Variants in CAMTA1 observed in about 807,000 individuals in gnomAD.
The protein encoded by CAMTA1 is calmodulin binding transcription activator 1, also known as calmodulin-binding transcription activator 1.
CAMTA1 carries 27 observed loss-of-function variants against 170.9 expected under a neutral mutation model. The ratio of observed to expected loss-of-function variants is 0.16; its 90% CI spans 0.12 to 0.22. The LOEUF is 0.22. CAMTA1 is among the 10% of genes least tolerant of loss of function. CAMTA1 has a pLI of 1.00. For missense variants in CAMTA1, 1,619 were observed against 2,217.2 expected, an observed-to-expected ratio of 0.73 and a Z score of 5.42; for synonymous variants, 833 against 891.5, an observed-to-expected ratio of 0.93 and a Z score of 1.17.
intron 6 of CAMTA1, among the ~76,000 whole-genome samples, chr1:7,604,569 C>A (rs2095471427): frequency 6.6e-6 from 1 of 152,144 alleles, no homozygotes; most frequent in Admixed American, 6.5e-5. Flanking sequence ...GTTATTCTAG[C>A]TAGCCATTCA....
intron 5 of CAMTA1, among the ~76,000 whole-genome samples, chr1:7,391,130 C>G (rs12089242): frequency 6.6e-6 from 1 of 151,932 alleles, no homozygotes; most frequent in Non-Finnish European, 1.5e-5. Flanking sequence ...CCCGAGTAGC[C>G]GGGATTACAG....
chr1:7,350,103 G>A (rs1302916328), intron 5 of CAMTA1, among the ~76,000 whole-genome samples: 1 of 152,176 alleles, frequency 6.6e-6, no homozygotes, highest in Non-Finnish European at 1.5e-5. Flanking sequence ...GCAAGACCCT[G>A]CCCCAGCCTC....
intron 1 of CAMTA1, among the ~76,000 whole-genome samples, chr1:6,802,213 G>GTA (rs1349618661): frequency 1.3e-5 from 2 of 152,186 alleles, no homozygotes; most frequent in Non-Finnish European, 2.9e-5. Flanking sequence ...CCATTCACAT[G>GTA]TAGCTTCCTT....
At chr1:7,018,384 A>G (rs995954882) in intron 3 of CAMTA1, among the ~76,000 whole-genome samples, 1 of 152,086 alleles carries the variant, frequency 6.6e-6, no homozygotes, top group African/African-American at 2.4e-5. Flanking sequence ...TAGGGGTTGA[A>G]TGTCTTTTGT....
intron 6 of CAMTA1, among the ~76,000 whole-genome samples, chr1:7,505,028 G>A (rs2094079489): frequency 6.6e-6 from 1 of 151,016 alleles, no homozygotes; most frequent in Non-Finnish European, 1.5e-5. Context: ...CATGGCACAA[G>A]CACACAGATG....
At chr1:7,103,832 AACTACACACATGT>A (rs1643164872) in intron 4 of CAMTA1, among the ~76,000 whole-genome samples, 3 of 136,798 alleles carry the variant, frequency 2.2e-5, no homozygotes, top group South Asian at 2.5e-4. Context: ...ATGCACACAC[AACTACACACATGT>A]ACACACAACA....
At chr1:6,864,758 G>A (rs554989900) in intron 3 of CAMTA1, among the ~76,000 whole-genome samples, 3 of 152,230 alleles carry the variant, frequency 2.0e-5, no homozygotes, top group African/African-American at 7.2e-5. Flanking sequence ...CAGGGTCCAT[G>A]GGGCACTCTT....
intron 4 of CAMTA1, among the ~76,000 whole-genome samples, chr1:7,169,526 T>C (rs1050715498): frequency 2.0e-5 from 3 of 152,194 alleles, no homozygotes; most frequent in African/African-American, 4.8e-5. Flanking sequence ...TTTTTTTTGT[T>C]GAATGGAGTC....
Position 6,814,757 on chromosome 1 carries a change from C to T in CAMTA1, c.46-5424C>T, listed in dbSNP as rs186991583. Among the ~76,000 whole-genome samples the T allele has an allele frequency of 3.0e-3, 452 of 152,244 alleles. 1 individual carries two copies. The highest frequency in any genetic ancestry group is 4.7e-3 in the Non-Finnish European group (323 of 68,014). ...TAGTAAAGGTGCTAAGATTCAGGCG[C>T]GGCTTTAATTCTGTGGAGACCTAAA... On this transcript the variant is annotated intron_variant, in intron 1 of 22. Transcript: ENST00000303635.
At chr1:6,940,968 G>A (rs79849880) in intron 3 of CAMTA1, among the ~76,000 whole-genome samples, 1 of 146,132 alleles carries the variant, frequency 6.8e-6, no homozygotes, top group South Asian at 2.1e-4. Flanking sequence ...CTTGCAAGGT[G>A]GGGGGATCCT....
At chr1:6,940,375 T>G (rs1413610446) in intron 3 of CAMTA1, among the ~76,000 whole-genome samples, 1 of 152,202 alleles carries the variant, frequency 6.6e-6, no homozygotes, top group East Asian at 1.9e-4. Context: ...AGGGTTCTGC[T>G]TCCCCTCACC....
At chr1:7,055,813 C>T (rs191385809) in intron 3 of CAMTA1, among the ~76,000 whole-genome samples, 70 of 152,338 alleles carry the variant, frequency 4.6e-4, no homozygotes, top group African/African-American at 1.6e-3. Flanking sequence ...GCCCAGGCCA[C>T]GTTCTCCCCT....
chr1:7,296,193 G>A (rs528438711), intron 5 of CAMTA1, among the ~76,000 whole-genome samples: 53 of 152,196 alleles, frequency 3.5e-4, no homozygotes, highest in Non-Finnish European at 7.1e-4. Flanking sequence ...ACACGCCAGG[G>A]ACCTTGAGTC....
chr1:6,789,910 A>G (rs1035694162), intron 1 of CAMTA1, among the ~76,000 whole-genome samples: 33 of 148,768 alleles, frequency 2.2e-4, no homozygotes, highest in African/African-American at 6.7e-4. Context: ...TCCAGGTTCA[A>G]GCAATTCTCT....
chr1:7,191,939 T>C (rs1370531064), intron 4 of CAMTA1, among the ~76,000 whole-genome samples: 2 of 152,176 alleles, frequency 1.3e-5, no homozygotes, highest in East Asian at 3.9e-4. Context: ...ACTGTGTCAC[T>C]AGACACACAT....
In CAMTA1 at chr1:7,588,595, G is replaced by A. The variant is rs2095330323; in HGVS notation, c.511-51805G>A. On this transcript the variant is annotated intron_variant, in intron 6 of 22. Transcript: ENST00000303635. This position sits in a 1 kb window ranked among gnomAD's most constrained non-coding sequence, Gnocchi z 5.8. ...GACTCTCGGGTCCCATGCAGCTCCA[G>A]GCCAGGGCGATCTGAGCAGCCCCAG... is the stretch of plus-strand genomic sequence containing the variant. Among the ~76,000 whole-genome samples, 1 of 152,212 alleles carries A rather than the reference G, an allele frequency of 6.6e-6. No individual in the cohort carries two copies. Among genetic ancestry groups the A allele is most frequent in the African/African-American group, 2.4e-5 (1 of 41,466 alleles).
chr1:7,630,180 G>A (rs1246334207), intron 6 of CAMTA1, among the ~76,000 whole-genome samples: 4 of 152,188 alleles, frequency 2.6e-5, no homozygotes, highest in South Asian at 4.1e-4. Context: ...CCCGGGCAGC[G>A]CCCCTCCAGG....
rs2096724141 is a variant in CAMTA1, at chr1:7,730,566, C to T, written c.2915-1882C>T. On this transcript the variant is annotated intron_variant, in intron 11 of 22. Coordinates refer to ENST00000303635, the MANE Select transcript of CAMTA1 (RefSeq NM_015215.4). The stretch of plus-strand genomic sequence containing the variant: ...GCTAGAGTAGGGAGAGACCTCCCCT[C>T]TTCGCTATTGAATATCTGGCACAGT... Among the ~76,000 whole-genome samples, 3 of 152,282 alleles carry T rather than the reference C, an allele frequency of 2.0e-5. No homozygotes were observed. In the South Asian group the frequency reaches 6.2e-4, roughly 32 times the overall value.
In CAMTA1 at chr1:7,237,988, G is replaced by A. The variant is rs372230330; in HGVS notation, c.303-11503G>A. On this transcript the variant is annotated intron_variant, in intron 4 of 22. Transcript: ENST00000303635. ...TTCAAGATCACACAGCTCTTAAGGAGCTGAGCTAAAATTTAAGATACAACC... is the reference window on the plus strand; with the variant it reads ...TTCAAGATCACACAGCTCTTAAGGAACTGAGCTAAAATTTAAGATACAACC... Among the ~76,000 whole-genome samples, 20 of 152,334 alleles carry A rather than the reference G, an allele frequency of 1.3e-4. No homozygotes were observed. The East Asian group carries it at 2.9e-3, about 22-fold the overall frequency.
Sources: allele counts gnomAD v4.1 joint callset (sites outside exome capture counted in the v4.1 genomes callset), GRCh38; gene constraint gnomAD v4.1.1; non-coding constraint Gnocchi (gnomAD v3.1); transcripts MANE v1.5; gene names NCBI Gene and HGNC (gene_info 2026-07-23, HGNC 2026-07-21).